Variants in DSG4 observed in about 807,000 individuals in gnomAD.
DSG4 encodes the protein desmoglein-4.
In DSG4, 87 loss-of-function variants were observed where a neutral mutation model predicts 93.1. That is an observed-to-expected ratio of 0.93 (90% CI 0.79 to 1.12). The LOEUF (loss-of-function observed/expected upper bound fraction) is 1.12. Among genes scored for constraint, DSG4 ranks in the 50% most tolerant of loss-of-function variants. The probability of loss-of-function intolerance (pLI) is 0.00; values close to 1 mark genes in which losing one functional copy is unlikely to be tolerated. For synonymous variants in DSG4, 432 were observed against 452.9 expected (o/e 0.95, Z 0.59); for missense variants, 1,373 against 1,285.7 (o/e 1.07, Z -1.04).
In DSG4 at chr18:31,391,115, A is replaced by G; in HGVS notation, c.722A>G (p.Asp241Gly). Residue 241 changes from aspartate to glycine, a missense_variant, in exon 7 of 16, where the codon GAT (aspartate) becomes GGT (glycine). Coordinates refer to ENST00000308128, the MANE Select transcript of DSG4 (RefSeq NM_177986.5). ...SMYNLVVRGS[D>G]RDGAADGLSS... ...TACAACCTGGTTGTGAGAGGCTCAG[A>G]TCGGGATGGAGCTGCAGATGGACTG... The G allele has an allele frequency of 6.2e-7, 1 of 1,613,778 alleles. No individual in the cohort carries two copies. Among genetic ancestry groups the G allele is most frequent in the Non-Finnish European group, 8.5e-7 (1 of 1,179,774 alleles).
intron 1 of DSG4, among the ~76,000 whole-genome samples, chr18:31,379,656 G>T (rs140881124): frequency 5.9e-4 from 90 of 152,222 alleles, no homozygotes; most frequent in African/African-American, 2.1e-3. Flanking sequence ...AAGTTAAAAA[G>T]GTAGGTGGCT....
At chr18:31,387,673 G>A (rs911883630) in intron 3 of DSG4, among the ~76,000 whole-genome samples, 2 of 152,058 alleles carry the variant, frequency 1.3e-5, no homozygotes, top group African/African-American at 4.8e-5. Context: ...GCTAACCAAA[G>A]TTCTATTTCC....
rs534729500 is a variant in DSG4 at position 31,413,386 on chromosome 18, C to T, written c.2914C>T (p.Pro972Ser). Residue 972 changes from proline (P) to serine (S), a missense_variant, in exon 16 of 16, where the codon CCT (proline) becomes TCT (serine). Transcript: ENST00000308128. ...VIYAERVLASPGVPDMSNSST... is the reference protein window; with the variant it reads ...VIYAERVLASSGVPDMSNSST... ...CTATGCTGAGAGAGTACTGGCTAGT[C>T]CTGGTGTGCCTGACATGAGCAATAG... 1.2e-6 allele frequency: 2 copies of T among 1,614,074 alleles called. No individual in the cohort carries two copies. The highest frequency in any genetic ancestry group is 4.5e-5 in the East Asian group (2 of 44,866).
chr18:31,407,652 C>T (rs2072442385), intron 12 of DSG4, among the ~76,000 whole-genome samples: 1 of 152,124 alleles, frequency 6.6e-6, no homozygotes, highest in African/African-American at 2.4e-5. Flanking sequence ...CATTTCAAGG[C>T]ATAAAAAATA....
chr18:31,389,054 A>G (rs530559568), intron 5 of DSG4, 36 bp downstream of exon 5: 1 of 1,608,870 alleles, frequency 6.2e-7, no homozygotes, highest in South Asian at 1.1e-5. Flanking sequence ...ACGTCACAGC[A>G]TATCTACTTC....
Position 31,399,376 on chromosome 18 carries a change from C to T in DSG4, c.1110C>T (p.Thr370=). The change falls in exon 9 of 16, where the codon ACC becomes ACT. Residue 370 remains threonine (T), a synonymous_variant. Coordinates refer to ENST00000308128, the MANE Select transcript of DSG4 (RefSeq NM_177986.5). The part of the protein sequence containing the change: ...SVASQFQMHP[T]PVRIQVVDVR... ...CTTCTCAATTCCAAATGCACCCAAC[C>T]CCTGTGAGAATTCAAGTTGTTGATG... 2 of 1,614,066 alleles carry T rather than the reference C, an allele frequency of 1.2e-6. No homozygotes were observed. The highest frequency in any genetic ancestry group is 1.7e-6 in the Non-Finnish European group (2 of 1,179,988).
chr18:31,392,009 C>A, intron 7 of DSG4, 146 bp from the exon 8 acceptor site: 1 of 697,064 alleles, frequency 1.4e-6, no homozygotes, highest in Non-Finnish European at 2.4e-6. Flanking sequence ...TATTCTTATT[C>A]TCCTGATTGG....
chr18:31,385,922 A>G (rs1437289052), intron 2 of DSG4, among the ~76,000 whole-genome samples: 2 of 152,142 alleles, frequency 1.3e-5, no homozygotes, highest in African/African-American at 4.8e-5. Context: ...AAAAATAAAT[A>G]CGTGCATATA....
chr18:31,376,813 T>A lies in DSG4; in HGVS notation c.-99T>A. Reference sequence around the variant, plus strand: ...TCACCCATGCCCTCCTAAAAGGGTGTCTCAAAGCATATCTTTCTGTAGAGC... The same window carrying A: ...TCACCCATGCCCTCCTAAAAGGGTGACTCAAAGCATATCTTTCTGTAGAGC... On this transcript the variant is annotated 5_prime_UTR_variant, in exon 1 of 16. Coordinates refer to ENST00000308128, the MANE Select transcript of DSG4 (RefSeq NM_177986.5). 2 of 1,336,866 alleles carry A rather than the reference T, an allele frequency of 1.5e-6. No homozygotes were observed. The highest frequency in any genetic ancestry group is 2.1e-6 in the Non-Finnish European group (2 of 932,530). The allele number at this position is 1,336,866 out of a possible 1,614,324, so 82.8% of individuals were successfully genotyped here.
chr18:31,409,831 T>C, intron 14 of DSG4, 23 bp downstream of exon 14: 2 of 1,613,880 alleles, frequency 1.2e-6, no homozygotes, highest in Non-Finnish European at 1.7e-6. Flanking sequence ...CAAAATCTGT[T>C]TTTCCTTTTA....
intron 2 of DSG4, 127 bp downstream of exon 2, chr18:31,385,298 C>A: frequency 1.5e-6 from 1 of 686,672 alleles, no homozygotes; most frequent in Non-Finnish European, 2.4e-6. Context: ...AGAGAAAGAA[C>A]TAGTGAACTG....
rs925882040 is a variant in DSG4, at chr18:31,412,822, T to A, written c.2356-6T>A. ...TTTCTAATTCTGTATTTCCTTTTAA[T>A]TTTAGAAAGCGTATGCTTATGCAGA... On this transcript the variant is annotated splice_region_variant and splice_polypyrimidine_tract_variant and intron_variant, in intron 15 of 15. Coordinates refer to ENST00000308128, the MANE Select transcript of DSG4 (RefSeq NM_177986.5). 5.6e-6 allele frequency: 9 copies of A among 1,613,988 alleles called. No homozygotes were observed. The highest frequency in any genetic ancestry group is 1.3e-5 in the African/African-American group (1 of 74,938).
chr18:31,385,898 A>G (rs2072181781), intron 2 of DSG4, among the ~76,000 whole-genome samples: 1 of 152,180 alleles, frequency 6.6e-6, no homozygotes, highest in Non-Finnish European at 1.5e-5. Flanking sequence ...TTCAGGGGGT[A>G]CATTAGGACT....
chr18:31,376,927 T>C lies in DSG4; in HGVS notation c.16T>C (p.Phe6Leu). 1.2e-6 allele frequency: 2 copies of C among 1,613,634 alleles called. No individual in the cohort carries two copies. Among genetic ancestry groups the C allele is most frequent in the East Asian group, 2.2e-5 (1 of 44,848 alleles). ...ACCCAAAGGAATGGATTGGCTCTTC[T>C]TCAGAAACATTTGCCTTTTGATCAT... MDWLFFRNICLLIILM... is the reference protein window; with the variant it reads MDWLFLRNICLLIILM... Residue 6 changes from phenylalanine to leucine, a missense_variant, in exon 1 of 16, where the codon TTC becomes CTC. Transcript: ENST00000308128.
At chr18:31,392,863 G>A (rs563994398) in intron 8 of DSG4, among the ~76,000 whole-genome samples, 3 of 152,168 alleles carry the variant, frequency 2.0e-5, no homozygotes, top group Non-Finnish European at 4.4e-5. Flanking sequence ...TCAGGGCATG[G>A]TGAGCAACCC....
Position 31,399,514 on chromosome 18 carries a change from G to C in DSG4, c.1248G>C (p.Leu416Phe). The change falls in exon 9 of 16, where the codon TTG becomes TTC. Residue 416 changes from leucine to phenylalanine, a missense_variant. Coordinates refer to ENST00000308128, the MANE Select transcript of DSG4 (RefSeq NM_177986.5). Reference protein sequence around the residue: ...YVLGTYTAIDLDTGNPATDVR... With the variant: ...YVLGTYTAIDFDTGNPATDVR... Reference sequence around the variant, plus strand: ...TTGGCACATATACAGCCATAGATTTGGACACAGGAAACCCTGCAACAGATG... The same window carrying C: ...TTGGCACATATACAGCCATAGATTTCGACACAGGAAACCCTGCAACAGATG... 6.2e-7 allele frequency: 1 copy of C among 1,613,944 alleles called. No individual in the cohort carries two copies. The highest frequency in any genetic ancestry group is 8.5e-7 in the Non-Finnish European group (1 of 1,179,914).
intron 10 of DSG4, among the ~76,000 whole-genome samples, chr18:31,402,843 G>A (rs1419137165): frequency 6.6e-6 from 1 of 152,054 alleles, no homozygotes; most frequent in South Asian, 2.1e-4. Flanking sequence ...AGTGGATTAG[G>A]GAAAAATCTA....
chr18:31,390,128 T>A (rs1372604920), intron 5 of DSG4, among the ~76,000 whole-genome samples: 1 of 152,178 alleles, frequency 6.6e-6, no homozygotes, highest in Non-Finnish European at 1.5e-5. Context: ...AGTCTTCTTT[T>A]CAATAATTAT....
At chr18:31,409,081 T>G (rs1408992825) in intron 12 of DSG4, among the ~76,000 whole-genome samples, 2 of 152,194 alleles carry the variant, frequency 1.3e-5, no homozygotes, top group African/African-American at 4.8e-5. Flanking sequence ...AATCCTGTAT[T>G]CAATCCTCTT....
Sources: allele counts gnomAD v4.1 joint callset (sites outside exome capture counted in the v4.1 genomes callset), GRCh38; gene constraint gnomAD v4.1.1; transcripts MANE v1.5; gene names NCBI Gene and HGNC (gene_info 2026-07-23, HGNC 2026-07-21).